ZNF440: variants seen among roughly 807,000 people sequenced by gnomAD.
ZNF440 encodes zinc finger protein 440.
ZNF440 carries 47 observed loss-of-function variants against 49.7 expected under a neutral mutation model. That is an observed-to-expected ratio of 0.95 (90% CI 0.75 to 1.21). The LOEUF (loss-of-function observed/expected upper bound fraction) is 1.21, where lower values mean the gene tolerates loss of function less well. ZNF440 is among the 50% of genes most tolerant of loss of function. The pLI is 0.00. For synonymous variants in ZNF440, 255 were observed against 237.7 expected, an observed-to-expected ratio of 1.07 and a Z score of -0.67; for missense variants, 703 against 715.0, an observed-to-expected ratio of 0.98 and a Z score of 0.19.
chr19:11,832,573 G>T lies in ZNF440; in HGVS notation c.1397G>T (p.Gly466Val). Reference protein sequence around the residue: ...RRYKCKICGKGFYCPKSFQRH... With the variant: ...RRYKCKICGKVFYCPKSFQRH... ...TATAAATGTAAGATATGTGGGAAAG[G>T]CTTTTATTGTCCCAAATCATTTCAA... The change falls in exon 4 of 4, where the codon GGC (glycine) becomes GTC (valine). Residue 466 changes from glycine (G) to valine (V), a missense_variant. Gly to Val is a moderately radical substitution (Grantham distance 109, BLOSUM62 -3). Coordinates refer to ENST00000304060, the MANE Select transcript of ZNF440 (RefSeq NM_152357.3). The T allele has an allele frequency of 1.2e-6, 2 of 1,612,820 alleles. No homozygotes were observed. Among genetic ancestry groups the T allele is most frequent in the Non-Finnish European group, 8.5e-7 (1 of 1,179,766 alleles).
At position 11,832,390 on chromosome 19, in the gene ZNF440, T is replaced by G. The variant is rs1015306433; in HGVS notation, c.1214T>G (p.Phe405Cys). 3.7e-6 allele frequency: 6 copies of G among 1,613,106 alleles called. No individual in the cohort carries two copies. In the Admixed American group the frequency reaches 6.7e-5, roughly 18 times the overall value. The change falls in exon 4 of 4, where the codon TTC (phenylalanine) becomes TGC (cysteine). Residue 405 changes from phenylalanine to cysteine, a missense_variant. Transcript: ENST00000304060. ...PYECKQCGKAFRSASHLRVHG... is the reference protein window; with the variant it reads ...PYECKQCGKACRSASHLRVHG... ...GAGTGTAAGCAATGTGGGAAAGCCT[T>G]CAGATCTGCCTCACACCTTCGAGTG...
rs371706353 is a variant in ZNF440, at chr19:11,832,600, G to A, written c.1424G>A (p.Arg475Lys). The change falls in exon 4 of 4, where the codon AGA (arginine) becomes AAA (lysine). Residue 475 changes from arginine (R) to lysine (K), a missense_variant. Arg to Lys is a conservative substitution (Grantham distance 26). Transcript: ENST00000304060. ...TTTTATTGTCCCAAATCATTTCAAA[G>A]ACATGAAAAAACTCACACTGGAGAG... ...KGFYCPKSFQ[R>K]HEKTHTGEKL... The A allele has an allele frequency of 2.5e-5, 41 of 1,611,946 alleles. No individual in the cohort carries two copies. The highest frequency in any genetic ancestry group is 3.3e-5 in the Non-Finnish European group (39 of 1,179,588).
chr19:11,818,421 T>C (rs1030776537), intron 1 of ZNF440, among the ~76,000 whole-genome samples: 2 of 152,172 alleles, frequency 1.3e-5, no homozygotes, highest in Non-Finnish European at 2.9e-5. Context: ...GAGCTGAACT[T>C]AAATTGGTGT....
intron 2 of ZNF440, 99 bp downstream of exon 2, chr19:11,830,508 T>C (rs192728334): frequency 6.2e-7 from 1 of 1,600,624 alleles, no homozygotes; most frequent in East Asian, 2.2e-5. Context: ...AGGAAATACT[T>C]TGATGAATAA....
rs533303724 is a variant in ZNF440, at chr19:11,833,740, A to G, written c.*776A>G. ...AGGACTCACACTGGAGAGAAGCCCT[A>G]TGAATATAAGCAATGTGGGAAAGCC... On this transcript the variant is annotated 3_prime_UTR_variant, in exon 4 of 4. Transcript: ENST00000304060. The G allele has an allele frequency of 3.2e-5, 26 of 800,652 alleles. No homozygotes were observed. The African/African-American group carries it at 4.3e-4, about 13-fold the overall frequency. The allele number at this position is 800,652 out of a possible 1,614,324, so 49.6% of individuals were successfully genotyped here. A position where few individuals can be genotyped will look rare whatever the true frequency, so the allele number is the denominator to read the frequency against.
chr19:11,831,906 C>A lies in ZNF440; in HGVS notation c.730C>A (p.Arg244=). The part of the protein sequence containing the change: ...GKSFSYSATH[R]IHKRTHTGEK... ...ATCCTTTAGTTATTCTGCTACCCAT[C>A]GAATACATAAAAGAACTCACACTGG... is the stretch of plus-strand genomic sequence containing the variant. The change falls in exon 4 of 4, where the codon CGA becomes AGA. Residue 244 remains arginine, a synonymous_variant. Transcript: ENST00000304060. 1 of 1,613,706 alleles carries A rather than the reference C, an allele frequency of 6.2e-7. No individual in the cohort carries two copies. The highest frequency in any genetic ancestry group is 8.5e-7 in the Non-Finnish European group (1 of 1,179,888).
chr19:11,824,969 A>G (rs1975845079), intron 1 of ZNF440, among the ~76,000 whole-genome samples: 5 of 151,856 alleles, frequency 3.3e-5, no homozygotes, highest in Admixed American at 3.3e-4. Context: ...AGCCTCCCAA[A>G]GTGCTGGGAT....
chr19:11,818,400 GTCTCAAGA>G (rs1212166214), intron 1 of ZNF440, among the ~76,000 whole-genome samples: 1 of 152,086 alleles, frequency 6.6e-6, no homozygotes, highest in Non-Finnish European at 1.5e-5. Flanking sequence ...TTTCTTGTTA[GTCTCAAGA>G]TGGAGCTGAA....
intron 1 of ZNF440, among the ~76,000 whole-genome samples, chr19:11,823,906 A>G (rs1975828974): frequency 2.0e-5 from 3 of 152,070 alleles, no homozygotes; most frequent in Admixed American, 6.6e-5. Context: ...AGGTTGCGGT[A>G]AGCCAAGATC....
chr19:11,833,136 A>T lies in ZNF440; in HGVS notation c.*172A>T. The T allele has an allele frequency of 7.2e-7, 1 of 1,392,702 alleles. No individual in the cohort carries two copies. Among genetic ancestry groups the T allele is most frequent in the African/African-American group, 1.4e-5 (1 of 70,082 alleles). The allele number at this position is 1,392,702 out of a possible 1,614,324, so 86.3% of individuals were successfully genotyped here. ...TCCTTTCGATATCATGAAAGGACTCACACTGGAGAGAACCCCTATGAGTGT... is the reference window on the plus strand; with the variant it reads ...TCCTTTCGATATCATGAAAGGACTCTCACTGGAGAGAACCCCTATGAGTGT... On this transcript the variant is annotated 3_prime_UTR_variant, in exon 4 of 4. Transcript: ENST00000304060.
chr19:11,830,046 C>G, intron 1 of ZNF440: 1 of 731,402 alleles, frequency 1.4e-6, no homozygotes, highest in Non-Finnish European at 2.1e-6. Flanking sequence ...TGCTAGAACC[C>G]CGGCAGTGAG....
Position 11,832,303 on chromosome 19 carries a change from C to G in ZNF440, c.1127C>G (p.Ala376Gly). The G allele has an allele frequency of 1.2e-6, 2 of 1,614,138 alleles. No individual in the cohort carries two copies. The highest frequency in any genetic ancestry group is 1.7e-6 in the Non-Finnish European group (2 of 1,180,028). ...TATAAATGTAAGCAGTGTGGTAAAG[C>G]CTTCCCTCATTCCAGTTCCCTTCGA... ...KPYKCKQCGK[A>G]FPHSSSLRYH... The change falls in exon 4 of 4, where the codon GCC (alanine) becomes GGC (glycine). Residue 376 changes from alanine to glycine, a missense_variant. Coordinates refer to ENST00000304060, the MANE Select transcript of ZNF440 (RefSeq NM_152357.3).
Position 11,830,046 on chromosome 19 carries a change from C to A in ZNF440, c.4-237C>A, listed in dbSNP as rs537704939. 2.5e-4 allele frequency: 184 copies of A among 731,400 alleles called. 1 individual carries two copies. The East Asian group carries it at 5.6e-3, about 22-fold the overall frequency. The allele number at this position is 731,400 out of a possible 1,614,324, so 45.3% of individuals were successfully genotyped here. ...CTGAGGAAGAAGAAGTGCTAGAACC[C>A]CGGCAGTGAGCCGAGATCATGCCAT... On this transcript the variant is annotated intron_variant, in intron 1 of 3. Transcript: ENST00000304060.
At chr19:11,830,219 A>G in intron 1 of ZNF440, 64 bp from the exon 2 acceptor site, 2 of 1,597,608 alleles carry the variant, frequency 1.3e-6, no homozygotes, top group Non-Finnish European at 1.7e-6. Context: ...TCTTGGGAAT[A>G]GAGTCTAGGC....
chr19:11,820,274 T>G (rs1426596800), intron 1 of ZNF440, among the ~76,000 whole-genome samples: 2 of 152,160 alleles, frequency 1.3e-5, no homozygotes, highest in Non-Finnish European at 2.9e-5. Context: ...TGGAGTGCAG[T>G]GGCGCGATCT....
Position 11,834,512 on chromosome 19 carries a change from A to G in ZNF440, c.*1548A>G, listed in dbSNP as rs761407598. 6.6e-6 allele frequency: 1 copy of G among 152,226 alleles called. No individual in the cohort carries two copies. Among genetic ancestry groups the G allele is most frequent in the Non-Finnish European group, 1.5e-5 (1 of 68,052 alleles). 9.4% of individuals were successfully genotyped at this position (152,226 alleles called of 1,614,324 possible). On this transcript the variant is annotated 3_prime_UTR_variant, in exon 4 of 4. Transcript: ENST00000304060. ...CTTCTTCCCCAAAACCAGCAGTGCCATACCTGCTGTCAGCAAGGGTGTAAT... is the reference window on the plus strand; with the variant it reads ...CTTCTTCCCCAAAACCAGCAGTGCCGTACCTGCTGTCAGCAAGGGTGTAAT...
Position 11,831,611 on chromosome 19 carries a change from G to T in ZNF440, c.435G>T (p.Lys145Asn). ...AGGAATATGGACCAAAGCCATGTAA[G>T]TGTCAACAACCTAAAAAAGCCTTCA... ...EYQEYGPKPC[K>N]CQQPKKAFRY... is the part of the protein sequence containing the mutation. The change falls in exon 4 of 4, where the codon AAG (lysine) becomes AAT (asparagine). Residue 145 changes from lysine (K) to asparagine (N), a missense_variant. Transcript: ENST00000304060. 6.2e-7 allele frequency: 1 copy of T among 1,614,166 alleles called. No individual in the cohort carries two copies. Among genetic ancestry groups the T allele is most frequent in the East Asian group, 2.2e-5 (1 of 44,872 alleles).
At chr19:11,824,512 TAA>T (rs1158648755) in intron 1 of ZNF440, among the ~76,000 whole-genome samples, 2 of 152,210 alleles carry the variant, frequency 1.3e-5, no homozygotes, top group South Asian at 4.1e-4. Context: ...ATGCAAATGA[TAA>T]CCGATATGTG....
intron 1 of ZNF440, among the ~76,000 whole-genome samples, chr19:11,824,182 C>CAAAAAAAAA (rs200865473): frequency 6.7e-5 from 4 of 59,992 alleles, no homozygotes; most frequent in Admixed American, 1.8e-4. Flanking sequence ...TACCCTGTTT[C>CAAAAAAAAA]AAAAAAAAAA....
Sources: gnomAD v4.1 joint callset for allele counts (sites outside exome capture counted in the v4.1 genomes callset) on GRCh38, gnomAD v4.1.1 for gene constraint, MANE v1.5 for transcripts, NCBI Gene and HGNC (gene_info 2026-07-23, HGNC 2026-07-21) for gene names.